FMO3: variants seen among roughly 807,000 people sequenced by gnomAD.
FMO3 encodes the protein flavin containing dimethylaniline monoxygenase 3.
FMO3 carries 40 observed loss-of-function variants against 39.4 expected under a neutral mutation model. The observed-to-expected ratio is 1.02, with a 90% CI of 0.79 to 1.32. The LOEUF (loss-of-function observed/expected upper bound fraction) is 1.32. Ranked by LOEUF, FMO3 falls within the 40% of genes most tolerant of loss-of-function variation. The probability of loss-of-function intolerance (pLI) is 0.00; values close to 1 mark genes in which losing one functional copy is unlikely to be tolerated. For synonymous variants in FMO3, 219 were observed against 228.8 expected (o/e 0.96, Z 0.39); for missense variants, 680 against 651.8 (o/e 1.04, Z -0.47).
chr1:171,096,744 TATA>T (rs1161985285), intron 2 of FMO3, among the ~76,000 whole-genome samples: 3 of 138,722 alleles, frequency 2.2e-5, no homozygotes, highest in Non-Finnish European at 3.1e-5. Context: ...ATATAATTAA[TATA>T]ATTATATTAA....
intron 1 of FMO3, among the ~76,000 whole-genome samples, chr1:171,092,331 C>T (rs1040093547): frequency 2.6e-5 from 4 of 152,190 alleles, no homozygotes; most frequent in South Asian, 4.2e-4. Flanking sequence ...GTGATCCTAC[C>T]GCCTCAGCCT....
In FMO3 at chr1:171,092,797, A is replaced by C. The variant is rs751323865; in HGVS notation, c.132+7A>C. ...GGGCCTGTGGAAATTTTCAGTGAGT[A>C]GCATGTTGTTGTAATAGACAGGAAA... On this transcript the variant is annotated splice_region_variant and intron_variant, in intron 2 of 8. Transcript: ENST00000367755. 1 of 1,613,796 alleles carries C rather than the reference A, an allele frequency of 6.2e-7. No homozygotes were observed. Among genetic ancestry groups the C allele is most frequent in the East Asian group, 2.2e-5 (1 of 44,870 alleles).
chr1:171,107,993 T>C, intron 4 of FMO3, 86 bp from the exon 5 acceptor site: 1 of 1,454,646 alleles, frequency 6.9e-7, no homozygotes. Flanking sequence ...TTATTGTGAC[T>C]GCATCTATTC....
chr1:171,093,534 T>C (rs1028149448), intron 2 of FMO3, among the ~76,000 whole-genome samples: 1 of 151,942 alleles, frequency 6.6e-6, no homozygotes, highest in Non-Finnish European at 1.5e-5. Flanking sequence ...TGCGTCTGTG[T>C]GTATATATAC....
At chr1:171,093,521 A>T (rs886816384) in intron 2 of FMO3, among the ~76,000 whole-genome samples, 2 of 151,590 alleles carry the variant, frequency 1.3e-5, no homozygotes, top group Non-Finnish European at 2.9e-5. Context: ...ATATATATGT[A>T]TATGCGTCTG....
intron 2 of FMO3, chr1:171,101,178 C>G (rs1204149734): frequency 6.6e-6 from 3 of 456,102 alleles, no homozygotes; most frequent in African/African-American, 6.0e-5. Flanking sequence ...GGAATGGATT[C>G]TCTCCTGGAG....
chr1:171,105,440 C>T (rs933206548), intron 3 of FMO3, among the ~76,000 whole-genome samples: 2 of 152,030 alleles, frequency 1.3e-5, no homozygotes, highest in Non-Finnish European at 2.9e-5. Context: ...TATTTCTAGT[C>T]CTAGATCCCT....
chr1:171,091,365 G>A (rs1314452814), intron 1 of FMO3, among the ~76,000 whole-genome samples: 2 of 152,034 alleles, frequency 1.3e-5, no homozygotes, highest in African/African-American at 4.8e-5. Context: ...CAGTTTGTTT[G>A]TTTCTGGGAA....
Position 171,110,841 on chromosome 1 carries a change from T to C in FMO3, c.671T>C (p.Val224Ala), listed in dbSNP as rs1379105125. ...AGTGGCTCCTGGGTGATGAGCCGGGTCTGGGACAATGGTTATCCTTGGGAC... is the reference window on the plus strand; with the variant it reads ...AGTGGCTCCTGGGTGATGAGCCGGGCCTGGGACAATGGTTATCCTTGGGAC... The part of the protein sequence containing the change: ...SRSGSWVMSR[V>A]WDNGYPWDML... The change falls in exon 6 of 9, where the codon GTC becomes GCC. Residue 224 changes from valine to alanine, a missense_variant. Physicochemically the swap from Val to Ala is moderately conservative, Grantham distance 64. Transcript: ENST00000367755. 2.5e-6 allele frequency: 4 copies of C among 1,613,816 alleles called. No homozygotes were observed. Among genetic ancestry groups the C allele is most frequent in the Middle Eastern group, 1.6e-4 (1 of 6,078 alleles).
intron 3 of FMO3, 42 bp from the exon 4 acceptor site, chr1:171,107,633 G>T (rs1391339718): frequency 6.4e-7 from 1 of 1,563,196 alleles, no homozygotes; most frequent in Non-Finnish European, 8.8e-7. Flanking sequence ...AAAACCATTT[G>T]CTAGCATAGA....
At chr1:171,111,033 T>C (rs1458106360) in intron 6 of FMO3, 36 bp downstream of exon 6, 1 of 1,553,822 alleles carries the variant, frequency 6.4e-7, no homozygotes, top group Non-Finnish European at 8.9e-7. Context: ...CCTGCTGGCT[T>C]TTAGTTCAGT....
intron 5 of FMO3, 55 bp downstream of exon 5, chr1:171,108,276 C>T (rs1655743912): frequency 3.1e-6 from 5 of 1,599,500 alleles, no homozygotes; most frequent in Non-Finnish European, 4.3e-6. Context: ...GAGTTATTAT[C>T]GTTTGAAAGG....
chr1:171,096,016 T>TATATAA (rs1431040753), intron 2 of FMO3, among the ~76,000 whole-genome samples: 1 of 47,534 alleles, frequency 2.1e-5, no homozygotes, highest in African/African-American at 9.4e-5. Context: ...AATATACATA[T>TATATAA]TATATATTAA....
At chr1:171,104,116 G>C (rs1302012774) in intron 3 of FMO3, 143 bp downstream of exon 3, 3 of 704,772 alleles carry the variant, frequency 4.3e-6, no homozygotes, top group Non-Finnish European at 7.4e-6. Flanking sequence ...TCTAGGTTTA[G>C]AGAATTACCT....
At position 171,111,066 on chromosome 1, in the gene FMO3, TA is replaced by T. The variant is rs1447656982; in HGVS notation, c.827+71del. Reference sequence around the variant, plus strand: ...AGTGTCAACAACCCTTAATGTCCTGTAAGCCCAAAACAAATCAAAGTATTAG... The same window carrying T: ...AGTGTCAACAACCCTTAATGTCCTGTAGCCCAAAACAAATCAAAGTATTAG... On this transcript the variant is annotated intron_variant, in intron 6 of 8. Coordinates refer to ENST00000367755, the MANE Select transcript of FMO3 (RefSeq NM_001002294.3). The T allele has an allele frequency of 2.4e-6, 3 of 1,247,658 alleles. No homozygotes were observed. The Admixed American group carries it at 5.1e-5, about 21-fold the overall frequency. The allele number at this position is 1,247,658 out of a possible 1,614,324, so 77.3% of individuals were successfully genotyped here. A position where few individuals can be genotyped will look rare whatever the true frequency, so the allele number is the denominator to read the frequency against.
chr1:171,114,257 C>CCTT lies in FMO3; in HGVS notation c.1078_1079insCTT (p.Pro359dup). ...TTTATTTAAAGGAGTATTTCCTCCTCTACTTGAGAAGTCAACCATAGCAGT... is the reference window on the plus strand; with the variant it reads ...TTTATTTAAAGGAGTATTTCCTCCTCCTTTACTTGAGAAGTCAACCATAGCAGT... On this transcript the variant is annotated inframe_insertion, in exon 7 of 9. Transcript: ENST00000367755. 6.2e-7 allele frequency: 1 copy of CCTT among 1,613,976 alleles called. No individual in the cohort carries two copies. Among genetic ancestry groups the CCTT allele is most frequent in the South Asian group, 1.1e-5 (1 of 91,088 alleles).
At position 171,117,354 on chromosome 1, in the gene FMO3, G is replaced by T. The variant is rs754517205; in HGVS notation, c.1511G>T (p.Arg504Ile). ...CCCATGCAGACACGAGTGGTCGGGA[G>T]ACTTCAGAAGCCTTGCTTCTTTTTC... ...LKPMQTRVVG[R>I]LQKPCFFFHW... Residue 504 changes from arginine to isoleucine, a missense_variant, in exon 9 of 9, where the codon AGA (arginine) becomes ATA (isoleucine). Physicochemically the swap from Arg to Ile is moderately conservative, Grantham distance 97. Transcript: ENST00000367755. The T allele has an allele frequency of 5.0e-6, 8 of 1,612,944 alleles. No individual in the cohort carries two copies. Among genetic ancestry groups the T allele is most frequent in the Non-Finnish European group, 6.8e-6 (8 of 1,179,490 alleles).
chr1:171,114,343 G>A lies in FMO3; in HGVS notation c.1164G>A (p.Trp388Ter), dbSNP rs750002345. ...CCACAGTTGACCTCCAGTCCCGCTG[G>A]GCAGCACAAGTAATAAAGGGTAAGT... is the stretch of plus-strand genomic sequence containing the variant. ...AIPTVDLQSR[W>*]AAQVIKGTCT... The change falls in exon 7 of 9, where the codon TGG becomes TGA. Residue 388 changes from tryptophan to a stop codon, truncating the protein, a stop_gained. Transcript: ENST00000367755. LOFTEE classifies it high-confidence loss of function. 8 of 1,613,250 alleles carry A rather than the reference G, an allele frequency of 5.0e-6. No homozygotes were observed. The East Asian group carries it at 1.8e-4, about 36-fold the overall frequency.
chr1:171,114,182 T>C lies in FMO3; in HGVS notation c.1003T>C (p.Tyr335His), dbSNP rs371284425. ...VIFATGYSFA[Y>H]PFLDESIIKS... ...CTTTGCAACAGGGTATAGTTTTGCC[T>C]ACCCCTTCCTTGATGAGTCTATCAT... is the stretch of plus-strand genomic sequence containing the variant. Residue 335 changes from tyrosine to histidine, a missense_variant, in exon 7 of 9, where the codon TAC becomes CAC. Tyr to His is a moderately conservative substitution (Grantham distance 83). Coordinates refer to ENST00000367755, the MANE Select transcript of FMO3 (RefSeq NM_001002294.3). 5.5e-5 allele frequency: 88 copies of C among 1,613,958 alleles called. No homozygotes were observed. Among genetic ancestry groups the C allele is most frequent in the Non-Finnish European group, 6.9e-5 (81 of 1,179,968 alleles).
Sources: gnomAD v4.1 joint callset for allele counts (sites outside exome capture counted in the v4.1 genomes callset) on GRCh38, gnomAD v4.1.1 for gene constraint, MANE v1.5 for transcripts, NCBI Gene and HGNC (gene_info 2026-07-23, HGNC 2026-07-21) for gene names.